The following LARGE1 variants were observed in gnomAD, a reference collection of about 807,000 sequenced individuals.
LARGE1 encodes the protein xylosyl- and glucuronyltransferase LARGE1.
A neutral mutation model predicts 87.6 loss-of-function variants in LARGE1; 43 were observed. The observed-to-expected ratio is 0.49, with a 90% confidence interval of 0.38 to 0.63. The LOEUF (loss-of-function observed/expected upper bound fraction) is 0.63, where lower values mean the gene tolerates loss of function less well. Ranked by LOEUF, LARGE1 falls within the 30% of genes least tolerant of loss-of-function variation. The probability of loss-of-function intolerance (pLI) is 0.00; values close to 1 mark genes in which losing one functional copy is unlikely to be tolerated. For missense variants in LARGE1, 802 were observed against 1,000.2 expected (o/e 0.80, Z 2.67); for synonymous variants, 434 against 394.6 (o/e 1.10, Z -1.18).
intron 11 of LARGE1, among the ~76,000 whole-genome samples, chr22:33,205,707 A>G (rs1052105611): frequency 2.0e-5 from 3 of 152,228 alleles, no homozygotes; most frequent in African/African-American, 7.2e-5. Context: ...CATATGACAC[A>G]TGTGGAGAGT....
At chr22:33,660,363 AC>A (rs2081087790) in intron 2 of LARGE1, among the ~76,000 whole-genome samples, 1 of 152,158 alleles carries the variant, frequency 6.6e-6, no homozygotes, top group East Asian at 1.9e-4. Flanking sequence ...CTCTTAGATC[AC>A]CAGGTGGTTT....
At position 33,396,085 on chromosome 22, in the gene LARGE1, C is replaced by T. The variant is rs1033685861; in HGVS notation, c.893-11781G>A. ...TCCACTACGTGAAAATGAAGATTTG[C>T]TCCTTAGTCCTTCAGTGGTTTTTGA... On this transcript the variant is annotated intron_variant, in intron 7 of 14. Transcript: ENST00000397394. Among the ~76,000 whole-genome samples, 48 of 152,214 alleles carry T rather than the reference C, an allele frequency of 3.2e-4. 3 individuals carry two copies. The highest frequency in any genetic ancestry group is 2.9e-5 in the Non-Finnish European group (2 of 68,038).
intron 1 of LARGE1, among the ~76,000 whole-genome samples, chr22:33,902,241 C>A (rs534340018): frequency 4.6e-5 from 7 of 152,206 alleles, no homozygotes; most frequent in Non-Finnish European, 1.0e-4. Context: ...CTCTCACACA[C>A]GGGAGTGCTG....
intron 11 of LARGE1, among the ~76,000 whole-genome samples, chr22:33,199,535 T>C (rs151268407): frequency 3.9e-5 from 6 of 152,318 alleles, no homozygotes; most frequent in East Asian, 1.9e-4. Context: ...AATTTTTGTA[T>C]ATGGTGAGAG....
At chr22:33,811,502 G>A (rs2086492592) in intron 1 of LARGE1, among the ~76,000 whole-genome samples, 1 of 152,160 alleles carries the variant, frequency 6.6e-6, no homozygotes, top group South Asian at 2.1e-4. Context: ...AGTCTTGAAG[G>A]ATTACTAGGA....
chr22:33,242,474 G>T (rs748461825), intron 11 of LARGE1, among the ~76,000 whole-genome samples: 1 of 152,112 alleles, frequency 6.6e-6, no homozygotes, highest in Non-Finnish European at 1.5e-5. Flanking sequence ...GATTATGTTG[G>T]CTCTGTACTT....
chr22:33,561,400 T>C (rs2077855457), intron 6 of LARGE1, among the ~76,000 whole-genome samples: 1 of 152,170 alleles, frequency 6.6e-6, no homozygotes, highest in African/African-American at 2.4e-5. Context: ...AGACAAGAGC[T>C]GCAAGGACAT....
At chr22:33,507,773 C>T (rs2070834183) in intron 6 of LARGE1, among the ~76,000 whole-genome samples, 1 of 152,204 alleles carries the variant, frequency 6.6e-6, no homozygotes, top group African/African-American at 2.4e-5. Context: ...GGAAGACACA[C>T]ATTCATGACC....
intron 11 of LARGE1, among the ~76,000 whole-genome samples, chr22:33,310,508 G>A (rs1473297776): frequency 1.3e-5 from 2 of 152,068 alleles, no homozygotes; most frequent in South Asian, 2.1e-4. Context: ...TGGTTGCAAC[G>A]TTCATTCTTT....
intron 1 of LARGE1, among the ~76,000 whole-genome samples, chr22:33,898,270 C>G (rs997333184): frequency 4.6e-5 from 7 of 152,140 alleles, no homozygotes; most frequent in African/African-American, 1.2e-4. Flanking sequence ...TGAGCCTACA[C>G]GGTTCCCTTG....
At chr22:33,447,143 C>T (rs8137978) in intron 6 of LARGE1, among the ~76,000 whole-genome samples, 7,983 of 152,250 alleles carry the variant, frequency 0.052, 663 homozygotes, top group African/African-American at 0.18. Flanking sequence ...ATCCACCCGT[C>T]TTGGCCTCCC....
chr22:33,110,900 G>A, the LARGE1 span, among the ~76,000 whole-genome samples: 24 of 152,162 alleles, frequency 1.6e-4, 1 homozygote, highest in Non-Finnish European at 2.6e-4. Context: ...AATATGTATC[G>A]CTTAGATAAT....
intron 2 of LARGE1, among the ~76,000 whole-genome samples, chr22:33,689,663 A>T (rs1452573627): frequency 6.6e-6 from 1 of 152,240 alleles, no homozygotes; most frequent in Non-Finnish European, 1.5e-5. Context: ...ACAGAAGGTC[A>T]CACCTGTAAT....
chr22:33,392,569 G>T (rs927867840), intron 7 of LARGE1, among the ~76,000 whole-genome samples: 1 of 152,192 alleles, frequency 6.6e-6, no homozygotes, highest in Non-Finnish European at 1.5e-5. Flanking sequence ...TGAGGCAGAA[G>T]AATTGCTTGA....
intron 1 of LARGE1, among the ~76,000 whole-genome samples, chr22:33,836,208 T>A (rs1271536646): frequency 6.7e-6 from 1 of 148,430 alleles, no homozygotes; most frequent in African/African-American, 2.4e-5. Flanking sequence ...GTTTAAATTC[T>A]GGCTCTGGCC....
intron 6 of LARGE1, among the ~76,000 whole-genome samples, chr22:33,446,401 A>T (rs1343847524): frequency 6.6e-6 from 1 of 152,208 alleles, no homozygotes; most frequent in Non-Finnish European, 1.5e-5. Context: ...CTGACTTTGC[A>T]GCCTGGGGCC....
intron 1 of LARGE1, among the ~76,000 whole-genome samples, chr22:33,889,848 C>T (rs138550059): frequency 5.5e-4 from 84 of 152,300 alleles, no homozygotes; most frequent in African/African-American, 1.9e-3. Context: ...ATGTGAAGCT[C>T]GGTGCCAGAA....
At chr22:33,113,201 T>C in the LARGE1 span, among the ~76,000 whole-genome samples, 1 of 143,818 alleles carries the variant, frequency 7.0e-6, no homozygotes, top group African/African-American at 2.7e-5. Context: ...CGTCACTTAA[T>C]TATCTTTTTT....
chr22:33,805,436 G>C (rs913646409), intron 1 of LARGE1, among the ~76,000 whole-genome samples: 1 of 152,060 alleles, frequency 6.6e-6, no homozygotes, highest in Non-Finnish European at 1.5e-5. Context: ...TTCATTCAGA[G>C]TAAAGACTCA....
Sources: gnomAD v4.1 joint callset for allele counts (sites outside exome capture counted in the v4.1 genomes callset) on GRCh38, gnomAD v4.1.1 for gene constraint, MANE v1.5 for transcripts, NCBI Gene and HGNC (gene_info 2026-07-23, HGNC 2026-07-21) for gene names.